Variants in OR2V2 observed in about 807,000 individuals in gnomAD.
The protein encoded by OR2V2 is olfactory receptor 2V2.
For missense variants in OR2V2, 392 were observed against 392.2 expected, an observed-to-expected ratio of 1.00 and a Z score of 0.00; for synonymous variants, 161 against 151.3, an observed-to-expected ratio of 1.06 and a Z score of -0.47.
Position 181,158,711 on chromosome 5 carries a change from T to G in OR2V2, c.*2821T>G, listed in dbSNP as rs1237206112. 1 of 152,174 alleles carries G rather than the reference T, an allele frequency of 6.6e-6. No homozygotes were observed. Among genetic ancestry groups the G allele is most frequent in the Non-Finnish European group, 1.5e-5 (1 of 68,036 alleles). 9.4% of individuals were successfully genotyped at this position (152,174 alleles called of 1,614,324 possible). A position where few individuals can be genotyped will look rare whatever the true frequency, so the allele number is the denominator to read the frequency against. On this transcript the variant is annotated 3_prime_UTR_variant, in exon 2 of 2. Transcript: ENST00000641492. ...CAGGAGAGTAAAAGAAGCAAGAATC[T>G]TGCCAGGGGACATGGGAGTTTTTGT...
chr5:181,151,488 G>A (rs1324939774), intron 1 of OR2V2, among the ~76,000 whole-genome samples: 1 of 152,232 alleles, frequency 6.6e-6, no homozygotes, highest in African/African-American at 2.4e-5. Flanking sequence ...TTGTGCCAAA[G>A]AGGTGCCACG....
chr5:181,152,167 G>A (rs1416270069), intron 1 of OR2V2, among the ~76,000 whole-genome samples: 2 of 152,104 alleles, frequency 1.3e-5, no homozygotes, highest in African/African-American at 4.8e-5. Flanking sequence ...AGGTACAGTG[G>A]TTATTAAAAT....
At chr5:181,148,485 G>A (rs1176330096) in intron 1 of OR2V2, among the ~76,000 whole-genome samples, 2 of 152,216 alleles carry the variant, frequency 1.3e-5, no homozygotes, top group Non-Finnish European at 2.9e-5. Flanking sequence ...TAAACACCCA[G>A]CAGAAAGGTC....
intron 1 of OR2V2, among the ~76,000 whole-genome samples, chr5:181,154,611 T>A (rs2546426): frequency 1.8e-4 from 26 of 148,100 alleles, no homozygotes; most frequent in Admixed American, 1.5e-3. Flanking sequence ...AAAAAGACTC[T>A]GTATCATATG....
rs116773802 is a variant in OR2V2 at position 181,147,829 on chromosome 5, C to G, written c.-191C>G. 5.1e-6 allele frequency: 2 copies of G among 394,134 alleles called. No individual in the cohort carries two copies. Among genetic ancestry groups the G allele is most frequent in the African/African-American group, 4.1e-5 (2 of 48,362 alleles). 24.4% of individuals were successfully genotyped at this position (394,134 alleles called of 1,614,324 possible). On this transcript the variant is annotated 5_prime_UTR_variant, in exon 1 of 2. Transcript: ENST00000641492. ...TGAGGGTGCCGTGGGCTCCACAGCC[C>G]GATGAGTAGTCGGTGCGGGCTGAGG...
Position 181,157,010 on chromosome 5 carries a change from C to A in OR2V2, c.*1120C>A, listed in dbSNP as rs1168491206. 3.3e-5 allele frequency: 5 copies of A among 152,226 alleles called. No homozygotes were observed. The highest frequency in any genetic ancestry group is 5.9e-5 in the Non-Finnish European group (4 of 68,036). 9.4% of individuals were successfully genotyped at this position (152,226 alleles called of 1,614,324 possible). ...AGGAGAAAACTGGCTGAACTCCTTC[C>A]CCTTCGGGGAATGAAGACTGGAGCA... On this transcript the variant is annotated 3_prime_UTR_variant, in exon 2 of 2. Coordinates refer to ENST00000641492, the MANE Select transcript of OR2V2 (RefSeq NM_206880.2).
rs68182003 is a variant in OR2V2 at position 181,156,203 on chromosome 5, C to T, written c.*313C>T. 0.068 allele frequency: 18,661 copies of T among 273,226 alleles called. 844 individuals are homozygous for T. The highest frequency in any genetic ancestry group is 0.097 in the Non-Finnish European group (14,241 of 146,542). The allele number at this position is 273,226 out of a possible 1,614,324, so 16.9% of individuals were successfully genotyped here. ...CTTATAGCAGCCTTGATCTCCTGGG[C>T]TCAGGTGAGTCTCCAACTCAGCCTC... On this transcript the variant is annotated 3_prime_UTR_variant, in exon 2 of 2. Coordinates refer to ENST00000641492, the MANE Select transcript of OR2V2 (RefSeq NM_206880.2).
rs905226678 is a variant in OR2V2, at chr5:181,154,925, A to T, written c.-18A>T. 1 of 1,567,456 alleles carries T rather than the reference A, an allele frequency of 6.4e-7. No individual in the cohort carries two copies. The highest frequency in any genetic ancestry group is 8.8e-7 in the Non-Finnish European group (1 of 1,138,074). On this transcript the variant is annotated 5_prime_UTR_variant, in exon 2 of 2. Coordinates refer to ENST00000641492, the MANE Select transcript of OR2V2 (RefSeq NM_206880.2). ...ATCTTGTCCATATTCTCAGGTGACC[A>T]GGAGCAACAACCGAGCCATGGAGAC...
In OR2V2 at chr5:181,155,468, A is replaced by G; in HGVS notation, c.526A>G (p.Asn176Asp). The change falls in exon 2 of 2, where the codon AAC becomes GAC. Residue 176 changes from asparagine (N) to aspartate (D), a missense_variant. By Grantham distance (23) the Asn-to-Asp change is conservative. Coordinates refer to ENST00000641492, the MANE Select transcript of OR2V2 (RefSeq NM_206880.2). Reference sequence around the variant, plus strand: ...CCCCTACTGTGGCTTGAGGAAGGTGAACCATTTCTTCTGTGAGATGCTATC... The same window carrying G: ...CCCCTACTGTGGCTTGAGGAAGGTGGACCATTTCTTCTGTGAGATGCTATC... ...NFPYCGLRKV[N>D]HFFCEMLSLL... The G allele has an allele frequency of 6.2e-7, 1 of 1,614,178 alleles. No individual in the cohort carries two copies. Among genetic ancestry groups the G allele is most frequent in the Non-Finnish European group, 8.5e-7 (1 of 1,180,032 alleles).
rs371959067 is a variant in OR2V2 at position 181,155,848 on chromosome 5, G to A, written c.906G>A (p.Leu302=). The change falls in exon 2 of 2, where the codon CTG becomes CTA. Residue 302 remains leucine (L), a synonymous_variant. Transcript: ENST00000641492. ...GGAACAGGGAGGTGATGGGGGCACT[G>A]AGGAAGGGGCTGGACCGCTGCAGGA... is the stretch of plus-strand genomic sequence containing the variant. ...SLRNREVMGA[L]RKGLDRCRIG... 26 of 1,614,190 alleles carry A rather than the reference G, an allele frequency of 1.6e-5. No individual in the cohort carries two copies. The highest frequency in any genetic ancestry group is 1.5e-4 in the South Asian group (14 of 91,084).
At chr5:181,151,880 G>T (rs908262259) in intron 1 of OR2V2, among the ~76,000 whole-genome samples, 2 of 151,716 alleles carry the variant, frequency 1.3e-5, no homozygotes, top group Non-Finnish European at 2.9e-5. Context: ...AGCCACTCAG[G>T]AGGCTGAGTG....
In OR2V2 at chr5:181,155,902, C is replaced by T. The variant is rs537862568; in HGVS notation, c.*12C>T. ...GCAGCCAGCACTGAACCCAGGGCAT[C>T]CAGTGCCTGGCTCTGCCATCTCTTA... On this transcript the variant is annotated 3_prime_UTR_variant, in exon 2 of 2. Transcript: ENST00000641492. 2 of 1,600,474 alleles carry T rather than the reference C, an allele frequency of 1.2e-6. No individual in the cohort carries two copies. Among genetic ancestry groups the T allele is most frequent in the Admixed American group, 3.4e-5 (2 of 59,322 alleles).
chr5:181,155,175 A>C lies in OR2V2; in HGVS notation c.233A>C (p.Asn78Thr). The C allele has an allele frequency of 6.2e-7, 1 of 1,614,040 alleles. No homozygotes were observed. Among genetic ancestry groups the C allele is most frequent in the South Asian group, 1.1e-5 (1 of 91,080 alleles). The change falls in exon 2 of 2, where the codon AAT becomes ACT. Residue 78 changes from asparagine (N) to threonine (T), a missense_variant. Asn to Thr is a moderately conservative substitution (Grantham distance 65). Coordinates refer to ENST00000641492, the MANE Select transcript of OR2V2 (RefSeq NM_206880.2). ...ATGGACCTCATGTTGGTCTGTACCA[A>C]TGTGCCAAAGATGGCAGCCAACTTC... ...SLMDLMLVCTNVPKMAANFLS... is the reference protein window; with the variant it reads ...SLMDLMLVCTTVPKMAANFLS...
chr5:181,154,423 ACT>A (rs1159469986), intron 1 of OR2V2, among the ~76,000 whole-genome samples: 1 of 152,072 alleles, frequency 6.6e-6, no homozygotes, highest in African/African-American at 2.4e-5. Flanking sequence ...CCCCGTCTCT[ACT>A]AAAAATACAA....
chr5:181,153,357 C>T (rs1763216505), intron 1 of OR2V2, among the ~76,000 whole-genome samples: 1 of 152,116 alleles, frequency 6.6e-6, no homozygotes, highest in African/African-American at 2.4e-5. Context: ...AAAATCATAT[C>T]ATGTCTCTGG....
rs1382711442 is a variant in OR2V2, at chr5:181,156,341, C to G, written c.*451C>G. The G allele has an allele frequency of 6.4e-6, 1 of 156,850 alleles. No individual in the cohort carries two copies. Among genetic ancestry groups the G allele is most frequent in the Non-Finnish European group, 1.4e-5 (1 of 71,038 alleles). 9.7% of individuals were successfully genotyped at this position (156,850 alleles called of 1,614,324 possible). A position where few individuals can be genotyped will look rare whatever the true frequency, so the allele number is the denominator to read the frequency against. On this transcript the variant is annotated 3_prime_UTR_variant, in exon 2 of 2. Coordinates refer to ENST00000641492, the MANE Select transcript of OR2V2 (RefSeq NM_206880.2). Reference sequence around the variant, plus strand: ...CTATGTTGCCCAGGCTGGTCTCGAACTCCTGGACTCAAGCAATCCACCTTC... The same window carrying G: ...CTATGTTGCCCAGGCTGGTCTCGAAGTCCTGGACTCAAGCAATCCACCTTC...
Position 181,158,073 on chromosome 5 carries a change from T to C in OR2V2, c.*2183T>C, listed in dbSNP as rs58572531. ...TTCATTGGCATAGGCTTGATGTCCT[T>C]AATTCATTTCCCGCACAAGGACCAG... On this transcript the variant is annotated 3_prime_UTR_variant, in exon 2 of 2. Coordinates refer to ENST00000641492, the MANE Select transcript of OR2V2 (RefSeq NM_206880.2). The C allele has an allele frequency of 0.12, 18,986 of 152,210 alleles. 2,002 individuals are homozygous for C. The highest frequency in any genetic ancestry group is 0.29 in the African/African-American group (11,888 of 41,470). 9.4% of individuals were successfully genotyped at this position (152,210 alleles called of 1,614,324 possible).
At chr5:181,152,934 G>C (rs1200059610) in intron 1 of OR2V2, among the ~76,000 whole-genome samples, 1 of 152,248 alleles carries the variant, frequency 6.6e-6, no homozygotes, top group Non-Finnish European at 1.5e-5. Flanking sequence ...TCTGTTTTAA[G>C]CTGCTCAGTG....
In OR2V2 at chr5:181,155,856, G is replaced by A. The variant is rs762057163; in HGVS notation, c.914G>A (p.Gly305Glu). The change falls in exon 2 of 2, where the codon GGG becomes GAG. Residue 305 changes from glycine (G) to glutamate (E), a missense_variant. Physicochemically the swap from Gly to Glu is moderately conservative, Grantham distance 98. Coordinates refer to ENST00000641492, the MANE Select transcript of OR2V2 (RefSeq NM_206880.2). Reference protein sequence around the residue: ...NREVMGALRKGLDRCRIGSQH With the variant: ...NREVMGALRKELDRCRIGSQH ...GAGGTGATGGGGGCACTGAGGAAGG[G>A]GCTGGACCGCTGCAGGATCGGCAGC... 1 of 1,614,094 alleles carries A rather than the reference G, an allele frequency of 6.2e-7. No homozygotes were observed. The highest frequency in any genetic ancestry group is 8.5e-7 in the Non-Finnish European group (1 of 1,179,978).
Sources: allele counts gnomAD v4.1 joint callset (sites outside exome capture counted in the v4.1 genomes callset), GRCh38; gene constraint gnomAD v4.1.1; transcripts MANE v1.5; gene names NCBI Gene and HGNC (gene_info 2026-07-23, HGNC 2026-07-21).